Variants in PTPRG observed in about 807,000 individuals in gnomAD.
PTPRG encodes protein tyrosine phosphatase receptor type G.
PTPRG carries 102 observed loss-of-function variants against 165.3 expected under a neutral mutation model. The ratio of observed to expected loss-of-function variants is 0.62; its 90% CI spans 0.53 to 0.73. PTPRG has a LOEUF of 0.73. Ranked by LOEUF, PTPRG falls within the 30% of genes least tolerant of loss-of-function variation. The pLI, the probability that PTPRG is intolerant of heterozygous loss-of-function variation, is 0.00. For synonymous variants in PTPRG, 675 were observed against 669.5 expected, an observed-to-expected ratio of 1.01 and a Z score of -0.13; for missense variants, 1,866 against 1,861.4, an observed-to-expected ratio of 1.00 and a Z score of -0.05.
At chr3:61,786,824 C>T (rs1248707220) in intron 2 of PTPRG, among the ~76,000 whole-genome samples, 1 of 152,122 alleles carries the variant, frequency 6.6e-6, no homozygotes, top group Non-Finnish European at 1.5e-5. Flanking sequence ...GGAAAATTAG[C>T]ATTGTGTCTT....
chr3:61,759,799 G>T (rs2033773292), intron 2 of PTPRG, among the ~76,000 whole-genome samples: 1 of 146,038 alleles, frequency 6.8e-6, no homozygotes, highest in African/African-American at 2.5e-5. Flanking sequence ...TCTTCTTGAG[G>T]TTTTTTTTTT....
intron 2 of PTPRG, among the ~76,000 whole-genome samples, chr3:61,908,411 C>CAAAAAAAAAAAAAAAA (rs776421819): frequency 1.7e-5 from 1 of 57,756 alleles, no homozygotes. Flanking sequence ...GGCAACAGAG[C>CAAAAAAAAAAAAAAAA]AAAAAAAAAA....
intron 3 of PTPRG, among the ~76,000 whole-genome samples, chr3:61,999,905 C>T (rs2041129729): frequency 6.6e-6 from 1 of 152,136 alleles, no homozygotes. Context: ...ATTTTCTTTT[C>T]TTTGATATAA....
In PTPRG at chr3:62,092,439, G is replaced by GAAAAAAAA. The variant is rs55955359; in HGVS notation, c.615+14194_615+14201dup. Among the ~76,000 whole-genome samples, 129 of 89,424 alleles carry GAAAAAAAA rather than the reference G, an allele frequency of 1.4e-3. 1 individual carries two copies. The highest frequency in any genetic ancestry group is 1.6e-3 in the Non-Finnish European group (78 of 48,630). The allele number at this position is 89,424 out of a possible 152,430, so 58.7% of individuals were successfully genotyped here. ...TGGGCAACAGAGCAAGAGTCCATCT[G>GAAAAAAAA]AAAAAAAAAAAAAAAAAAAAGAAAA... On this transcript the variant is annotated intron_variant, in intron 5 of 29. Transcript: ENST00000474889.
At chr3:61,774,781 G>A (rs901927261) in intron 2 of PTPRG, among the ~76,000 whole-genome samples, 2 of 152,154 alleles carry the variant, frequency 1.3e-5, no homozygotes, top group African/African-American at 4.8e-5. Flanking sequence ...TCCACATATG[G>A]CTATTGAGCA....
chr3:61,973,857 T>C lies in PTPRG; in HGVS notation c.191-15768T>C, dbSNP rs116591959. On this transcript the variant is annotated intron_variant, in intron 2 of 29. Coordinates refer to ENST00000474889, the MANE Select transcript of PTPRG (RefSeq NM_002841.4). ...CAAAATAAATAAATAAATAAATAAA[T>C]AAAAGATTGGTTTCTTCTTTAAAAA... is the stretch of plus-strand genomic sequence containing the variant. 5.2e-3 allele frequency among the ~76,000 whole-genome samples: 724 copies of C among 139,464 alleles called. 8 individuals are homozygous for C. Among genetic ancestry groups the C allele is most frequent in the African/African-American group, 0.016 (583 of 36,484 alleles). 91.5% of individuals were successfully genotyped at this position (139,464 alleles called of 152,430 possible).
chr3:62,036,821 A>C (rs573597298), intron 4 of PTPRG, among the ~76,000 whole-genome samples: 1 of 152,340 alleles, frequency 6.6e-6, no homozygotes, highest in East Asian at 1.9e-4. Context: ...TCCTCTGATT[A>C]AATGGCCATG....
At chr3:61,915,721 T>A (rs1430373549) in intron 2 of PTPRG, among the ~76,000 whole-genome samples, 1 of 152,224 alleles carries the variant, frequency 6.6e-6, no homozygotes, top group Non-Finnish European at 1.5e-5. Flanking sequence ...TGATTATGTT[T>A]CAGATGCTCT....
intron 2 of PTPRG, among the ~76,000 whole-genome samples, chr3:61,905,460 TG>T (rs1386861427): frequency 6.6e-6 from 1 of 152,218 alleles, no homozygotes; most frequent in Non-Finnish European, 1.5e-5. Flanking sequence ...CAGGATTCTT[TG>T]TCTTTCAAAA....
chr3:61,711,915 C>T (rs1215340823), intron 1 of PTPRG, among the ~76,000 whole-genome samples: 4 of 129,478 alleles, frequency 3.1e-5, no homozygotes, highest in Non-Finnish European at 4.9e-5. Context: ...TTTTTTGAGA[C>T]GGAGTTTCAC....
At chr3:62,063,501 TA>T in intron 4 of PTPRG, among the ~76,000 whole-genome samples, 1 of 152,350 alleles carries the variant, frequency 6.6e-6, no homozygotes, top group South Asian at 2.1e-4. Context: ...GAGTTAATAT[TA>T]ATACTTTGTG....
chr3:61,952,561 T>C (rs546672942), intron 2 of PTPRG, among the ~76,000 whole-genome samples: 5 of 152,176 alleles, frequency 3.3e-5, no homozygotes, highest in African/African-American at 4.8e-5. Flanking sequence ...GGCTGAAATC[T>C]CCCTTTTGAG....
At chr3:61,684,106 T>G (rs1703542571) in intron 1 of PTPRG, among the ~76,000 whole-genome samples, 1 of 152,192 alleles carries the variant, frequency 6.6e-6, no homozygotes, top group Non-Finnish European at 1.5e-5. Context: ...GTTGTCTCCT[T>G]TGTCTCGTAT....
intron 1 of PTPRG, among the ~76,000 whole-genome samples, chr3:61,748,017 C>G (rs2033279457): frequency 6.6e-6 from 1 of 152,176 alleles, no homozygotes; most frequent in Admixed American, 6.5e-5. Context: ...AACGCTATAG[C>G]AGGCAGATGG....
chr3:61,651,269 GT>G (rs1473197230), intron 1 of PTPRG, among the ~76,000 whole-genome samples: 3 of 151,656 alleles, frequency 2.0e-5, no homozygotes, highest in Non-Finnish European at 4.4e-5. Flanking sequence ...AAGTTCTTGT[GT>G]ATTGATTTCA....
intron 2 of PTPRG, chr3:61,769,968 G>T (rs2034158106): frequency 6.6e-6 from 1 of 152,146 alleles, no homozygotes; most frequent in African/African-American, 2.4e-5. Flanking sequence ...ATAATAAATA[G>T]TAATAGTATG....
rs372287184 is a variant in PTPRG, at chr3:62,294,622, G to A, written c.*1315G>A. ...GTGCAGCCTCTGGAGCCATACTCAC[G>A]CTGCAGTGCATAATGGGAAAATTAG... On this transcript the variant is annotated 3_prime_UTR_variant, in exon 30 of 30. Coordinates refer to ENST00000474889, the MANE Select transcript of PTPRG (RefSeq NM_002841.4). 6 of 151,996 alleles carry A rather than the reference G, an allele frequency of 3.9e-5. No homozygotes were observed. The highest frequency in any genetic ancestry group is 9.7e-5 in the African/African-American group (4 of 41,400). 9.4% of individuals were successfully genotyped at this position (151,996 alleles called of 1,614,324 possible).
chr3:62,035,224 G>A (rs541888128), intron 4 of PTPRG, among the ~76,000 whole-genome samples: 1 of 152,292 alleles, frequency 6.6e-6, no homozygotes, highest in Non-Finnish European at 1.5e-5. Context: ...AGAGCTAGAA[G>A]AAAGTAACAT....
intron 2 of PTPRG, among the ~76,000 whole-genome samples, chr3:61,832,938 T>C (rs372364955): frequency 1.3e-5 from 2 of 152,220 alleles, no homozygotes; most frequent in Admixed American, 6.5e-5. Flanking sequence ...CTCCCACTTA[T>C]GAGTGAAAAC....
Sources: allele counts gnomAD v4.1 joint callset (sites outside exome capture counted in the v4.1 genomes callset), GRCh38; gene constraint gnomAD v4.1.1; transcripts MANE v1.5; gene names NCBI Gene and HGNC (gene_info 2026-07-23, HGNC 2026-07-21).